CIB4: variants seen among roughly 807,000 people sequenced by gnomAD.
The protein encoded by CIB4 is calcium and integrin-binding family member 4.
Under a neutral mutation model 25.8 loss-of-function variants are expected in CIB4, and 25 were observed. That is an observed-to-expected ratio of 0.97 (90% CI 0.71 to 1.35). The LOEUF (loss-of-function observed/expected upper bound fraction) is 1.35, where lower values mean the gene tolerates loss of function less well. CIB4 is among the 40% of genes most tolerant of loss of function. CIB4 has a pLI of 0.00. For synonymous variants in CIB4, 75 were observed against 81.4 expected, an observed-to-expected ratio of 0.92 and a Z score of 0.42; for missense variants, 235 against 228.2, an observed-to-expected ratio of 1.03 and a Z score of -0.19.
chr2:26,605,983 T>G (rs1436947222), intron 3 of CIB4, among the ~76,000 whole-genome samples: 1 of 152,128 alleles, frequency 6.6e-6, no homozygotes, highest in Non-Finnish European at 1.5e-5. Flanking sequence ...GGAATCGCCA[T>G]GAGTCCCATG....
At chr2:26,584,298 T>A (rs1254461944) in intron 4 of CIB4, among the ~76,000 whole-genome samples, 1 of 152,042 alleles carries the variant, frequency 6.6e-6, no homozygotes, top group Non-Finnish European at 1.5e-5. Flanking sequence ...TATCCACCCC[T>A]GCGCTTTGCA....
At chr2:26,609,782 T>C (rs1219239600) in intron 3 of CIB4, among the ~76,000 whole-genome samples, 1 of 152,224 alleles carries the variant, frequency 6.6e-6, no homozygotes, top group African/African-American at 2.4e-5. Context: ...GCTTCAATGC[T>C]TGTGGCTCAG....
In CIB4 at chr2:26,585,131, C is replaced by A. The variant is rs1468377455; in HGVS notation, c.329-1233G>T. Among the ~76,000 whole-genome samples the A allele has an allele frequency of 3.3e-5, 5 of 152,294 alleles. 1 individual carries two copies. The East Asian group carries it at 9.7e-4, about 29-fold the overall frequency. On this transcript the variant is annotated intron_variant, in intron 4 of 6. Transcript: ENST00000288861. ...GAGGGGTGTCCTTTATCCCTCAGGG[C>A]TGCCTAAATGGGTCTTCTCAACAGA...
intron 3 of CIB4, among the ~76,000 whole-genome samples, chr2:26,613,445 C>T (rs904770065): frequency 3.3e-5 from 5 of 152,188 alleles, no homozygotes; most frequent in Non-Finnish European, 7.3e-5. Context: ...CATAAAGACT[C>T]CCCAGGTGGT....
At chr2:26,593,561 C>T (rs2148195644) in intron 4 of CIB4, among the ~76,000 whole-genome samples, 1 of 152,142 alleles carries the variant, frequency 6.6e-6, no homozygotes, top group South Asian at 2.1e-4. Flanking sequence ...TAGCTAATTC[C>T]AACATCTAGG....
intron 3 of CIB4, among the ~76,000 whole-genome samples, chr2:26,617,953 T>C (rs528760098): frequency 1.3e-5 from 2 of 152,268 alleles, no homozygotes; most frequent in Admixed American, 6.5e-5. Context: ...AAGCCTGGGT[T>C]GGAACCTTGG....
chr2:26,617,544 C>A (rs528772383), intron 3 of CIB4, among the ~76,000 whole-genome samples: 39 of 152,240 alleles, frequency 2.6e-4, no homozygotes, highest in Admixed American at 5.2e-4. Context: ...GTGCTTGCAA[C>A]CATGAAGCGG....
At chr2:26,587,796 A>G (rs1668485599) in intron 4 of CIB4, among the ~76,000 whole-genome samples, 1 of 152,216 alleles carries the variant, frequency 6.6e-6, no homozygotes, top group Non-Finnish European at 1.5e-5. Flanking sequence ...AGTGCAAACC[A>G]AAGAGGCTTT....
rs139433126 is a variant in CIB4 at position 26,618,756 on chromosome 2, G to C, written c.186+10654C>G. 2.4e-3 allele frequency among the ~76,000 whole-genome samples: 373 copies of C among 152,330 alleles called. 2 individuals carry two copies. The highest frequency in any genetic ancestry group is 8.6e-3 in the African/African-American group (358 of 41,574). ...CTGACCGCAGGGCAGCACTGGCGAG[G>C]TCCTTCCTGGGTCCTCATGGAGGAA... On this transcript the variant is annotated intron_variant, in intron 3 of 6. Transcript: ENST00000288861.
intron 4 of CIB4, among the ~76,000 whole-genome samples, chr2:26,588,980 T>TCTC (rs1668509055): frequency 7.6e-5 from 1 of 13,100 alleles, no homozygotes; most frequent in African/African-American, 3.0e-4. Context: ...GCTTCTTCTT[T>TCTC]CTTCTTCTTC....
chr2:26,609,098 C>T (rs993139682), intron 3 of CIB4, among the ~76,000 whole-genome samples: 18 of 152,346 alleles, frequency 1.2e-4, no homozygotes, highest in African/African-American at 4.3e-4. Flanking sequence ...TTTTATTCTA[C>T]CGCTTTGCTG....
chr2:26,621,600 A>T (rs1430148371), intron 3 of CIB4, among the ~76,000 whole-genome samples: 2 of 152,202 alleles, frequency 1.3e-5, no homozygotes. Flanking sequence ...ATTTTCAGAT[A>T]TGTAAGTTGT....
chr2:26,623,461 CT>C (rs1224382566), intron 3 of CIB4: 1 of 464,964 alleles, frequency 2.2e-6, no homozygotes, highest in African/African-American at 2.0e-5. Flanking sequence ...CTTTTCATCG[CT>C]TTCAGCCTTG....
intron 3 of CIB4, among the ~76,000 whole-genome samples, chr2:26,624,285 C>T (rs1017725769): frequency 3.3e-5 from 5 of 152,206 alleles, no homozygotes; most frequent in Non-Finnish European, 5.9e-5. Context: ...GTGTGAGTCA[C>T]GCAGCTCCCG....
chr2:26,632,974 G>T (rs1254476313), intron 2 of CIB4, among the ~76,000 whole-genome samples: 1 of 151,840 alleles, frequency 6.6e-6, no homozygotes, highest in Non-Finnish European at 1.5e-5. Context: ...TCGGGCTCCT[G>T]CCCCCACCAC....
intron 3 of CIB4, among the ~76,000 whole-genome samples, chr2:26,598,895 G>A (rs927802990): frequency 2.6e-5 from 4 of 152,138 alleles, no homozygotes; most frequent in South Asian, 2.1e-4. Flanking sequence ...CAGCTCAGCC[G>A]GTGTCCTCGG....
intron 2 of CIB4, among the ~76,000 whole-genome samples, chr2:26,636,474 C>A (rs1280444841): frequency 3.9e-5 from 6 of 152,098 alleles, no homozygotes. Context: ...CTCTTGGAAC[C>A]CCTGACTCCC....
At chr2:26,595,897 G>GCACACA (rs61283412) in intron 3 of CIB4, among the ~76,000 whole-genome samples, 871 of 32,096 alleles carry the variant, frequency 0.027, 4 homozygotes, top group Middle Eastern at 0.1. Flanking sequence ...TTATCTGCGC[G>GCACACA]CACACACACA....
rs753106559 is a variant in CIB4, at chr2:26,583,893, T to C, written c.334A>G (p.Asn112Asp). Residue 112 changes from asparagine (N) to aspartate (D), a missense_variant, in exon 5 of 7, where the codon AAT becomes GAT. Physicochemically the swap from Asn to Asp is conservative, Grantham distance 23. Coordinates refer to ENST00000288861, the MANE Select transcript of CIB4 (RefSeq NM_001029881.3). ...IEYAFRIYDFNENGFIDEEDL... is the reference protein window; with the variant it reads ...IEYAFRIYDFDENGFIDEEDL... ...TCCTCATCAATGAAGCCATTCTCATTAAAATCTGCAAAGAAGAGGCCAGGC... is the reference window on the plus strand; with the variant it reads ...TCCTCATCAATGAAGCCATTCTCATCAAAATCTGCAAAGAAGAGGCCAGGC... 3.7e-6 allele frequency: 6 copies of C among 1,606,326 alleles called. No individual in the cohort carries two copies. In the South Asian group the frequency reaches 5.5e-5, roughly 15 times the overall value.
Sources: gnomAD v4.1 joint callset for allele counts (sites outside exome capture counted in the v4.1 genomes callset) on GRCh38, gnomAD v4.1.1 for gene constraint, MANE v1.5 for transcripts, NCBI Gene and HGNC (gene_info 2026-07-23, HGNC 2026-07-21) for gene names.